Variants in CAPS2 observed in about 807,000 individuals in gnomAD.
The protein encoded by CAPS2 is calcyphosine 2, also known as calcyphosin-2.
A neutral mutation model predicts 86.5 loss-of-function variants in CAPS2; 98 were observed. The observed-to-expected ratio is 1.13, with a 90% CI of 0.96 to 1.34. The LOEUF is 1.34. CAPS2 is among the 40% of genes most tolerant of loss of function. The pLI is 0.00. For missense variants in CAPS2, 729 were observed against 686.8 expected, an observed-to-expected ratio of 1.06 and a Z score of -0.69; for synonymous variants, 210 against 225.1, an observed-to-expected ratio of 0.93 and a Z score of 0.60.
chr12:75,277,859 T>G, exon 17 of CAPS2: 1 of 903,484 alleles, frequency 1.1e-6, no homozygotes, highest in Non-Finnish European at 1.3e-6. Context: ...CAGGAAGAAA[T>G]GACTAGCAAA....
chr12:75,343,638 T>C, intron 1 of CAPS2: 1 of 1,315,096 alleles, frequency 7.6e-7, no homozygotes, highest in Non-Finnish European at 1.0e-6. Flanking sequence ...ATAATTAGAA[T>C]AATTTAATGC....
chr12:75,304,567 A>G (rs1038712548), intron 8 of CAPS2, among the ~76,000 whole-genome samples, 190 bp downstream of exon 8: 1 of 152,192 alleles, frequency 6.6e-6, no homozygotes, highest in Non-Finnish European at 1.5e-5. Context: ...GGGCAAAGAG[A>G]GTAAAATAAG....
rs927669830 is a variant in CAPS2, at chr12:75,320,233, GTCC to G, written c.468+1164_468+1166del. ...TTCTCTTAAACCAAAAGTAAAAAAA[GTCC>G]TCATTTGAATTTGCATTCAAGGAAA... On this transcript the variant is annotated intron_variant, in intron 5 of 16. Coordinates refer to ENST00000393284, the Ensembl canonical transcript of CAPS2. Among the ~76,000 whole-genome samples the G allele has an allele frequency of 3.2e-4, 49 of 152,020 alleles. 1 individual carries two copies. Among genetic ancestry groups the G allele is most frequent in the Non-Finnish European group, 6.5e-4 (44 of 67,944 alleles).
chr12:75,383,531 T>C (rs966517754), intron 1 of CAPS2, among the ~76,000 whole-genome samples: 3 of 152,140 alleles, frequency 2.0e-5, no homozygotes, highest in East Asian at 1.9e-4. Context: ...TGTAGAAATA[T>C]ATGAGACAAA....
chr12:75,293,732 G>C (rs967653435), intron 11 of CAPS2, among the ~76,000 whole-genome samples: 12 of 152,226 alleles, frequency 7.9e-5, no homozygotes, highest in African/African-American at 2.4e-4. Flanking sequence ...GAACTGTGAA[G>C]ATTTCTCATA....
At chr12:75,331,753 C>T (rs1257138527), upstream of CAPS2, among the ~76,000 whole-genome samples, 1 of 151,904 alleles carries the variant, frequency 6.6e-6, no homozygotes, top group Non-Finnish European at 1.5e-5. Flanking sequence ...TTAGTAGAGA[C>T]AGGGTTTCAC....
rs892324040 is a variant in CAPS2, at chr12:75,277,924, A to G, written c.*966T>C. On this transcript the variant is annotated 3_prime_UTR_variant, in exon 17 of 17. Coordinates refer to ENST00000393284, the Ensembl canonical transcript of CAPS2. The stretch of plus-strand genomic sequence containing the variant: ...TAACTATTAAATAACATATATTTAG[A>G]AGGAAATGTTTCAATTGTTTGTTAT... 3 of 832,852 alleles carry G rather than the reference A, an allele frequency of 3.6e-6. No homozygotes were observed. In the African/African-American group the frequency reaches 5.6e-5, roughly 15 times the overall value. 51.6% of individuals were successfully genotyped at this position (832,852 alleles called of 1,614,324 possible).
At chr12:75,365,602 A>C (rs1156484548) in intron 1 of CAPS2, among the ~76,000 whole-genome samples, 5 of 152,158 alleles carry the variant, frequency 3.3e-5, no homozygotes, top group Non-Finnish European at 2.9e-5. Flanking sequence ...CAGAGAGTTA[A>C]TGAATATACA....
rs1047449500 is a variant in CAPS2 at position 75,278,743 on chromosome 12, GAAAAC to G, written c.*142_*146del. On this transcript the variant is annotated 3_prime_UTR_variant, in exon 17 of 17. Coordinates refer to ENST00000393284, the Ensembl canonical transcript of CAPS2. Reference sequence around the variant, plus strand: ...CTCTTTCCAAATTCAACATTTTTGAGAAAACAAAACAAAACAAAACAAACAAACAA... The same window carrying G: ...CTCTTTCCAAATTCAACATTTTTGAGAAAACAAAACAAAACAAACAAACAA... 152 of 1,325,814 alleles carry G rather than the reference GAAAAC, an allele frequency of 1.1e-4. No homozygotes were observed. The South Asian group carries it at 2.0e-3, about 17-fold the overall frequency. The allele number at this position is 1,325,814 out of a possible 1,614,324, so 82.1% of individuals were successfully genotyped here. A position where few individuals can be genotyped will look rare whatever the true frequency, so the allele number is the denominator to read the frequency against.
intron 11 of CAPS2, among the ~76,000 whole-genome samples, chr12:75,297,277 G>A (rs916034139): frequency 6.6e-6 from 1 of 152,134 alleles, no homozygotes; most frequent in Non-Finnish European, 1.5e-5. Context: ...TGTGAAATGG[G>A]AGTCGAGCTG....
At chr12:75,293,773 T>G (rs936737572) in intron 11 of CAPS2, among the ~76,000 whole-genome samples, 1 of 152,214 alleles carries the variant, frequency 6.6e-6, no homozygotes, top group Non-Finnish European at 1.5e-5. Flanking sequence ...TGATGACAGA[T>G]GTTGCCTAAT....
intron 6 of CAPS2, among the ~76,000 whole-genome samples, chr12:75,314,650 T>C (rs1321336908): frequency 6.6e-6 from 1 of 152,086 alleles, no homozygotes; most frequent in African/African-American, 2.4e-5. Context: ...TAAGAGTGAT[T>C]CATAAAGTGG....
intron 1 of CAPS2, among the ~76,000 whole-genome samples, chr12:75,359,033 T>C (rs1203359116): frequency 6.7e-6 from 1 of 150,188 alleles, no homozygotes; most frequent in Non-Finnish European, 1.5e-5. Context: ...TGGGCCACAC[T>C]GTGCTGATTG....
chr12:75,340,891 C>A (rs1289583558), intron 1 of CAPS2, among the ~76,000 whole-genome samples: 1 of 151,810 alleles, frequency 6.6e-6, no homozygotes, highest in Non-Finnish European at 1.5e-5. Context: ...TCACGACACA[C>A]CAATTAGGAA....
intron 6 of CAPS2, among the ~76,000 whole-genome samples, chr12:75,314,854 T>C (rs1425453487): frequency 2.0e-5 from 3 of 152,042 alleles, no homozygotes; most frequent in African/African-American, 7.2e-5. Context: ...GGCACACTGA[T>C]TTAGAGATCT....
chr12:75,321,290 ATTATAC>A, intron 5 of CAPS2, 104 bp downstream of exon 5: 1 of 674,460 alleles, frequency 1.5e-6, no homozygotes. Context: ...AATGTTAGCT[ATTATAC>A]TTATTATGAC....
chr12:75,330,375 C>T (rs1410601336), upstream of CAPS2, among the ~76,000 whole-genome samples: 1 of 152,252 alleles, frequency 6.6e-6, no homozygotes, highest in Non-Finnish European at 1.5e-5. Context: ...CTCACTCACC[C>T]GCGCTTCTCC....
chr12:75,325,444 C>T (rs1036814542), intron 1 of CAPS2, 156 bp from the exon 3 acceptor site: 1 of 270,280 alleles, frequency 3.7e-6, no homozygotes, highest in African/African-American at 2.3e-5. Context: ...TCCTACTGTG[C>T]TTGAGACACA....
chr12:75,305,456 A>G (rs1210766927), intron 7 of CAPS2: 3 of 538,572 alleles, frequency 5.6e-6, no homozygotes, highest in African/African-American at 1.9e-5. Flanking sequence ...CGGTTGGAAC[A>G]AAGTAAGGAT....
Sources: allele counts gnomAD v4.1 joint callset (sites outside exome capture counted in the v4.1 genomes callset), GRCh38; gene constraint gnomAD v4.1.1; transcripts MANE v1.5; gene names NCBI Gene and HGNC (gene_info 2026-07-23, HGNC 2026-07-21).